Variants in FASTKD5 observed in about 807,000 individuals in gnomAD.
The protein encoded by FASTKD5 is non-canonical pre-mRNAs endonuclease FASTKD5, mitochondrial.
In FASTKD5, 30 loss-of-function variants were observed where a neutral mutation model predicts 44.0. That is an observed-to-expected ratio of 0.68 (90% CI 0.51 to 0.93). The LOEUF (loss-of-function observed/expected upper bound fraction) is 0.93, where lower values mean the gene tolerates loss of function less well. Among genes scored for constraint, FASTKD5 ranks in the 40% least tolerant of loss-of-function variants. The pLI is 0.00. For missense variants in FASTKD5, 868 were observed against 908.2 expected (o/e 0.96, Z 0.57); for synonymous variants, 335 against 342.2 (o/e 0.98, Z 0.23).
At chr20:3,155,670 T>C (rs2066676592) in intron 1 of FASTKD5, among the ~76,000 whole-genome samples, 1 of 152,238 alleles carries the variant, frequency 6.6e-6, no homozygotes, top group South Asian at 2.1e-4. Flanking sequence ...GAAGATATTA[T>C]GGTATTGTTC....
chr20:3,152,970 G>T (rs1469367524), intron 1 of FASTKD5, among the ~76,000 whole-genome samples: 1 of 151,856 alleles, frequency 6.6e-6, no homozygotes, highest in Non-Finnish European at 1.5e-5. Context: ...TAAAATAGCT[G>T]TGCCATAGTA....
chr20:3,148,856 C>CT lies in FASTKD5; in HGVS notation c.214dup (p.Ser72LysfsTer16). 1 of 1,614,194 alleles carries CT rather than the reference C, an allele frequency of 6.2e-7. No individual in the cohort carries two copies. Among genetic ancestry groups the CT allele is most frequent in the Non-Finnish European group, 8.5e-7 (1 of 1,180,042 alleles). ...GAATTCCAAACCTGGGTGGGCACTG[C>CT]TGGTTGTCAGGATTCTCCGAGAAGA... On this transcript the variant is annotated frameshift_variant, in exon 2 of 2. Coordinates refer to ENST00000380266, the MANE Select transcript of FASTKD5 (RefSeq NM_021826.5). LOFTEE classifies it high-confidence loss of function.
chr20:3,152,293 A>G (rs1425703378), intron 1 of FASTKD5, among the ~76,000 whole-genome samples: 1 of 150,978 alleles, frequency 6.6e-6, no homozygotes, highest in Non-Finnish European at 1.5e-5. Flanking sequence ...CAGCCTGGCC[A>G]ACATAGTGAA....
rs547825124 is a variant in FASTKD5, at chr20:3,149,935, CT to C, written c.-190-676del. On this transcript the variant is annotated intron_variant, in intron 1 of 1. Transcript: ENST00000380266. This position sits in a 1 kb window ranked among gnomAD's most constrained non-coding sequence, Gnocchi z 4.1. ...TCAGGAGGCTGAGGCAGGAGAATCC[CT>C]TGAACCCAGGAGGCAGAGGTTGCGG... Among the ~76,000 whole-genome samples, 604 of 151,682 alleles carry C rather than the reference CT, an allele frequency of 4.0e-3. 1 individual carries two copies. Among genetic ancestry groups the C allele is most frequent in the African/African-American group, 0.014 (571 of 41,296 alleles).
rs564564621 is a variant in FASTKD5, at chr20:3,147,244, C to G, written c.1827G>C (p.Pro609=). The G allele has an allele frequency of 1.2e-6, 2 of 1,614,050 alleles. No homozygotes were observed. The highest frequency in any genetic ancestry group is 2.7e-5 in the African/African-American group (2 of 74,910). ...GCCTTAATTTGGCTACATTTTCAGCCGGCGTGGCTTCTCTATTAAATGGTA... is the reference window on the plus strand; with the variant it reads ...GCCTTAATTTGGCTACATTTTCAGCGGGCGTGGCTTCTCTATTAAATGGTA... ...KPLPFNREAT[P]AENVAKLRLE... is the part of the protein sequence containing the mutation. The change falls in exon 2 of 2, where the codon CCG becomes CCC. Residue 609 remains proline (P), a synonymous_variant. Transcript: ENST00000380266.
At position 3,154,634 on chromosome 20, in the gene FASTKD5, G is replaced by A. The variant is rs535788611; in HGVS notation, c.-191+5132C>T. Among the ~76,000 whole-genome samples, 7 of 152,198 alleles carry A rather than the reference G, an allele frequency of 4.6e-5. No homozygotes were observed. The East Asian group carries it at 1.4e-3, about 29-fold the overall frequency. ...AAAAGTTAAGGCTGCAGTGAGCTGT[G>A]ATCCTGCTATGGCAGGGTGACAGAG... is the stretch of plus-strand genomic sequence containing the variant. On this transcript the variant is annotated intron_variant, in intron 1 of 1. Transcript: ENST00000380266.
In FASTKD5 at chr20:3,147,966, C is replaced by T; in HGVS notation, c.1105G>A (p.Asp369Asn). 1 of 1,614,202 alleles carries T rather than the reference C, an allele frequency of 6.2e-7. No homozygotes were observed. The highest frequency in any genetic ancestry group is 1.1e-5 in the South Asian group (1 of 91,084). The part of the protein sequence containing the change: ...IVKMFRFTHV[D>N]HINFMKQIGE... ...ATCTGCTTCATGAAATTGATGTGAT[C>T]CACGTGAGTGAAACGGAACATTTTA... is the stretch of plus-strand genomic sequence containing the variant. The change falls in exon 2 of 2, where the codon GAT (aspartate) becomes AAT (asparagine). Residue 369 changes from aspartate to asparagine, a missense_variant. Asp to Asn is a conservative substitution (Grantham distance 23, BLOSUM62 1). Coordinates refer to ENST00000380266, the MANE Select transcript of FASTKD5 (RefSeq NM_021826.5).
At chr20:3,153,175 A>G (rs2066649165) in intron 1 of FASTKD5, among the ~76,000 whole-genome samples, 1 of 152,246 alleles carries the variant, frequency 6.6e-6, no homozygotes, top group Non-Finnish European at 1.5e-5. Flanking sequence ...AATTAATTCT[A>G]CCTAAGAGTA....
Position 3,146,594 on chromosome 20 carries a change from C to T in FASTKD5, c.*182G>A. 3.1e-6 allele frequency: 2 copies of T among 646,190 alleles called. No individual in the cohort carries two copies. The highest frequency in any genetic ancestry group is 4.2e-5 in the South Asian group (2 of 47,482). 40.0% of individuals were successfully genotyped at this position (646,190 alleles called of 1,614,324 possible). On this transcript the variant is annotated 3_prime_UTR_variant, in exon 2 of 2. Transcript: ENST00000380266. ...ATGTATACATTTGCAGTAATTTGTA[C>T]AATCCAACTACATTACAATTCACAG...
chr20:3,146,682 C>A lies in FASTKD5; in HGVS notation c.*94G>T. 2.8e-6 allele frequency: 4 copies of A among 1,431,880 alleles called. No homozygotes were observed. Among genetic ancestry groups the A allele is most frequent in the Admixed American group, 2.2e-5 (1 of 45,344 alleles). 88.7% of individuals were successfully genotyped at this position (1,431,880 alleles called of 1,614,324 possible). A position where few individuals can be genotyped will look rare whatever the true frequency, so the allele number is the denominator to read the frequency against. ...AAGTCTCCTCAACACACTATTTTAT[C>A]GCCAAACTTACATTCTGGCTTTTAT... On this transcript the variant is annotated 3_prime_UTR_variant, in exon 2 of 2. Transcript: ENST00000380266.
rs376790179 is a variant in FASTKD5 at position 3,146,828 on chromosome 20, C to T, written c.2243G>A (p.Arg748His). 7.4e-6 allele frequency: 12 copies of T among 1,613,986 alleles called. No homozygotes were observed. The highest frequency in any genetic ancestry group is 5.0e-5 in the Admixed American group (3 of 59,972). ...ATGAAGAAACGCCAACTTTTCTAAG[C>T]GAGTTCGTTTCAGTAGTGGGAGCCA... ...WEWLPLLKRT[R>H]LEKLAFLHEK... Residue 748 changes from arginine (R) to histidine (H), a missense_variant, in exon 2 of 2, where the codon CGC becomes CAC. Physicochemically the swap from Arg to His is conservative, Grantham distance 29 (BLOSUM62 0). Transcript: ENST00000380266.
intron 1 of FASTKD5, among the ~76,000 whole-genome samples, chr20:3,155,085 AAAG>A (rs2122128641): frequency 6.6e-6 from 1 of 151,668 alleles, no homozygotes; most frequent in Non-Finnish European, 1.5e-5. Flanking sequence ...AAAGAAAAGA[AAAG>A]AAAAAATAAA....
At chr20:3,154,676 AAAAT>A (rs2066666207) in intron 1 of FASTKD5, among the ~76,000 whole-genome samples, 2 of 152,212 alleles carry the variant, frequency 1.3e-5, no homozygotes, top group South Asian at 2.1e-4. Context: ...CCTATCTCAA[AAAAT>A]AAATAAATAA....
intron 1 of FASTKD5, among the ~76,000 whole-genome samples, chr20:3,155,070 AAAG>A (rs2066670662): frequency 6.8e-6 from 1 of 147,682 alleles, no homozygotes; most frequent in African/African-American, 2.5e-5. Flanking sequence ...AAAAAAAAAA[AAAG>A]AAAAGAAAAG....
intron 1 of FASTKD5, among the ~76,000 whole-genome samples, chr20:3,156,187 T>A (rs2122131816): frequency 6.6e-6 from 1 of 151,194 alleles, no homozygotes; most frequent in East Asian, 1.9e-4. Context: ...TTTTTTTTTT[T>A]TTTTTTGAGA....
At chr20:3,158,391 C>T (rs1175516320) in intron 1 of FASTKD5, among the ~76,000 whole-genome samples, 1 of 152,180 alleles carries the variant, frequency 6.6e-6, no homozygotes, top group Non-Finnish European at 1.5e-5. Flanking sequence ...AAACATTAGA[C>T]CTGCATAACT....
intron 1 of FASTKD5, among the ~76,000 whole-genome samples, chr20:3,151,534 TC>T (rs1262015094): frequency 6.6e-6 from 1 of 151,860 alleles, no homozygotes; most frequent in African/African-American, 2.4e-5. Flanking sequence ...ACGCCTATAA[TC>T]CCAACACTTT....
At chr20:3,151,976 G>A (rs997682231) in intron 1 of FASTKD5, 3 of 151,552 alleles carry the variant, frequency 2.0e-5, no homozygotes, top group Admixed American at 1.3e-4. Flanking sequence ...GTGGTGGCAT[G>A]AGCGTGTAAT....
chr20:3,158,819 C>A (rs188114094), intron 1 of FASTKD5, among the ~76,000 whole-genome samples: 1 of 152,350 alleles, frequency 6.6e-6, no homozygotes, highest in African/African-American at 2.4e-5. Flanking sequence ...TATCCAAGGA[C>A]TTGCCCAGGA....
Sources: gnomAD v4.1 joint callset for allele counts (sites outside exome capture counted in the v4.1 genomes callset) on GRCh38, gnomAD v4.1.1 for gene constraint, Gnocchi (gnomAD v3.1) non-coding constraint, MANE v1.5 for transcripts, NCBI Gene and HGNC (gene_info 2026-07-23, HGNC 2026-07-21) for gene names.